Variants in RUNX3 observed in about 807,000 individuals in gnomAD.
RUNX3 encodes the protein runt-related transcription factor 3.
A neutral mutation model predicts 27.7 loss-of-function variants in RUNX3; 10 were observed. The observed-to-expected ratio is 0.36, with a 90% CI of 0.22 to 0.61. The LOEUF (loss-of-function observed/expected upper bound fraction) is 0.61, where lower values mean the gene tolerates loss of function less well. Among genes scored for constraint, RUNX3 ranks in the 20% least tolerant of loss-of-function variants. The pLI, the probability that RUNX3 is intolerant of heterozygous loss-of-function variation, is 0.72. For synonymous variants in RUNX3, 270 were observed against 269.2 expected, an observed-to-expected ratio of 1.00 and a Z score of -0.03; for missense variants, 469 against 629.5, an observed-to-expected ratio of 0.75 and a Z score of 2.73.
chr1:24,957,710 G>A (rs536593338), intron 2 of RUNX3, among the ~76,000 whole-genome samples: 6 of 152,280 alleles, frequency 3.9e-5, no homozygotes, highest in South Asian at 2.1e-4. Flanking sequence ...TGTCTGTGCC[G>A]GGCCCTGTGC....
chr1:24,917,517 G>A (rs926845784), intron 3 of RUNX3, among the ~76,000 whole-genome samples: 1 of 152,168 alleles, frequency 6.6e-6, no homozygotes, highest in Non-Finnish European at 1.5e-5. Context: ...GGTCCGCAGG[G>A]TGGGTGGCAT....
At chr1:24,942,808 G>A (rs1641510251) in intron 2 of RUNX3, among the ~76,000 whole-genome samples, 2 of 152,220 alleles carry the variant, frequency 1.3e-5, no homozygotes, top group Non-Finnish European at 2.9e-5. Flanking sequence ...AGCATCAGCG[G>A]TGCCCTAATG....
rs1388491154 is a variant in RUNX3 at position 24,943,791 on chromosome 1, A to G, written c.59-13939T>C. Among the ~76,000 whole-genome samples the G allele has an allele frequency of 6.6e-6, 1 of 152,230 alleles. No homozygotes were observed. The highest frequency in any genetic ancestry group is 2.4e-5 in the African/African-American group (1 of 41,464). ...AGGGCAGGGTCCTCAGCCAGGACCT[A>G]GGCTCCCAGATGTTACCAACCTTAA... On this transcript the variant is annotated intron_variant, in intron 2 of 6. Coordinates refer to the RUNX3 transcript ENST00000338888. This position sits in a 1 kb window ranked among gnomAD's most constrained non-coding sequence, Gnocchi z 4.6.
In RUNX3 at chr1:24,904,798, G is replaced by C. The variant is rs554451959; in HGVS notation, c.704-2132C>G. ...CCACCACCCCTCCTCCGGGGTGGTGGGGGAAGTACCTGCCCTCAGCACTCC... is the reference window on the plus strand; with the variant it reads ...CCACCACCCCTCCTCCGGGGTGGTGCGGGAAGTACCTGCCCTCAGCACTCC... On this transcript the variant is annotated intron_variant, in intron 4 of 4. Transcript: ENST00000308873. The surrounding 1 kb of genome is among the most constrained non-coding windows in gnomAD (Gnocchi z 5.7). 1.3e-5 allele frequency among the ~76,000 whole-genome samples: 2 copies of C among 152,186 alleles called. No homozygotes were observed. The highest frequency in any genetic ancestry group is 4.1e-4 in the South Asian group (2 of 4,822).
chr1:24,944,161 C>T (rs1436800484), intron 2 of RUNX3, among the ~76,000 whole-genome samples: 5 of 152,110 alleles, frequency 3.3e-5, no homozygotes, highest in Admixed American at 2.0e-4. Flanking sequence ...CGTTGAGGGG[C>T]AGGAGAGAGC....
chr1:24,963,464 G>A (rs1642173280), intron 2 of RUNX3, among the ~76,000 whole-genome samples: 1 of 152,216 alleles, frequency 6.6e-6, no homozygotes, highest in Non-Finnish European at 1.5e-5. Flanking sequence ...CAGCCTCTCT[G>A]TTCTGGAACC....
rs1290776456 is a variant in RUNX3 at position 24,901,897 on chromosome 1, G to A, written c.*225C>T. On this transcript the variant is annotated 3_prime_UTR_variant, in exon 5 of 5. Coordinates refer to ENST00000308873, the MANE Select transcript of RUNX3 (RefSeq NM_004350.3). ...GGATGAGACGGCCAGGATCTGGGCC[G>A]GGGGCAGTATCCCGGGCCGGGGTGG... 3.5e-5 allele frequency: 18 copies of A among 519,236 alleles called. No individual in the cohort carries two copies. Among genetic ancestry groups the A allele is most frequent in the Non-Finnish European group, 5.1e-5 (15 of 293,776 alleles). The allele number at this position is 519,236 out of a possible 1,614,324, so 32.2% of individuals were successfully genotyped here.
At position 24,962,029 on chromosome 1, in the gene RUNX3, C is replaced by A. The variant is rs911752202; in HGVS notation, c.58+2485G>T. 2 of 152,170 alleles carry A rather than the reference C, an allele frequency of 1.3e-5. No individual in the cohort carries two copies. Among genetic ancestry groups the A allele is most frequent in the Non-Finnish European group, 2.9e-5 (2 of 68,046 alleles). 9.4% of individuals were successfully genotyped at this position (152,170 alleles called of 1,614,324 possible). ...CTGGGCTGGAGATAACCGTGTCTTT[C>A]CTTTCCCTGGCCTCTAGCTGAAATT... is the stretch of plus-strand genomic sequence containing the variant. On this transcript the variant is annotated intron_variant, in intron 2 of 6. Coordinates refer to the RUNX3 transcript ENST00000338888. This position sits in a 1 kb window ranked among gnomAD's most constrained non-coding sequence, Gnocchi z 4.5.
intron 2 of RUNX3, among the ~76,000 whole-genome samples, chr1:24,924,480 C>CT (rs377699041): frequency 0.05 from 7,211 of 144,034 alleles, 491 homozygotes; most frequent in African/African-American, 0.16. Flanking sequence ...AAAGACAGTT[C>CT]TTTTTTTTTT....
At position 24,927,566 on chromosome 1, in the gene RUNX3, C is replaced by T; in HGVS notation, c.439+8G>A. The stretch of plus-strand genomic sequence containing the variant: ...ATGCTGAAATGGCGAGGCCTCCCTT[C>T]CACTTACCTCGCCCACTGCGGCCCA... On this transcript the variant is annotated splice_region_variant and intron_variant, in intron 2 of 4. Transcript: ENST00000308873. The surrounding 1 kb of genome is among the most constrained non-coding windows in gnomAD (Gnocchi z 5.0). The T allele has an allele frequency of 6.2e-7, 1 of 1,613,994 alleles. No homozygotes were observed. Among genetic ancestry groups the T allele is most frequent in the Non-Finnish European group, 8.5e-7 (1 of 1,179,932 alleles).
chr1:24,901,822 T>G lies in RUNX3; in HGVS notation c.*300A>C. 5.0e-6 allele frequency: 2 copies of G among 401,124 alleles called. No homozygotes were observed. The highest frequency in any genetic ancestry group is 9.0e-6 in the Non-Finnish European group (2 of 221,578). The allele number at this position is 401,124 out of a possible 1,614,324, so 24.8% of individuals were successfully genotyped here. On this transcript the variant is annotated 3_prime_UTR_variant, in exon 5 of 5. Transcript: ENST00000308873. Reference sequence around the variant, plus strand: ...CAGCACTGGGCATAGCTGGAGACAGTGAGGTCCTTCCGGGGGGGTGGCAGG... The same window carrying G: ...CAGCACTGGGCATAGCTGGAGACAGGGAGGTCCTTCCGGGGGGGTGGCAGG...
intron 4 of RUNX3, among the ~76,000 whole-genome samples, chr1:24,906,762 C>A (rs753391419): frequency 6.6e-6 from 1 of 152,220 alleles, no homozygotes; most frequent in African/African-American, 2.4e-5. Context: ...TGGAATGTCA[C>A]TTAACAGTGT....
At chr1:24,930,456 C>G (rs376986523), upstream of RUNX3, among the ~76,000 whole-genome samples, 4 of 151,654 alleles carry the variant, frequency 2.6e-5, no homozygotes, top group Non-Finnish European at 5.9e-5. The surrounding 1 kb of genome is among the most constrained non-coding windows in gnomAD (Gnocchi z 4.1). Context: ...GGCGCCACCC[C>G]GCGGAGGAGG....
At chr1:24,908,197 C>T (rs566977938) in intron 3 of RUNX3, among the ~76,000 whole-genome samples, 43 of 146,164 alleles carry the variant, frequency 2.9e-4, no homozygotes, top group African/African-American at 1.1e-3. Flanking sequence ...ACGCGGTGAT[C>T]CGAACCTCTA....
At chr1:24,963,496 A>T (rs948028818) in intron 2 of RUNX3, among the ~76,000 whole-genome samples, 1 of 152,186 alleles carries the variant, frequency 6.6e-6, no homozygotes, top group Non-Finnish European at 1.5e-5. Flanking sequence ...CTGCCCTTAT[A>T]CATGGTCCAC....
intron 1 of RUNX3, chr1:24,929,375 ACC>A (rs1177182345): frequency 1.4e-6 from 1 of 702,772 alleles, no homozygotes; most frequent in Admixed American, 2.0e-5. Context: ...GAGCGGGGCA[ACC>A]CCGTTAAAAG....
intron 3 of RUNX3, among the ~76,000 whole-genome samples, chr1:24,910,640 C>A (rs911306803): frequency 5.2e-4 from 79 of 152,310 alleles, no homozygotes; most frequent in African/African-American, 1.8e-3. Context: ...AAACAGGTAT[C>A]TGGGAGCCTC....
chr1:24,960,536 T>C (rs191682623), intron 2 of RUNX3, among the ~76,000 whole-genome samples: 124 of 152,302 alleles, frequency 8.1e-4, no homozygotes, highest in African/African-American at 2.7e-3. Flanking sequence ...AGAGCCCCCT[T>C]AAAGCCTACA....
chr1:24,912,758 C>T (rs959369389), intron 3 of RUNX3, among the ~76,000 whole-genome samples: 2 of 151,654 alleles, frequency 1.3e-5, no homozygotes, highest in Non-Finnish European at 2.9e-5. Context: ...GCAGAAGACA[C>T]ACAGCCACCT....
Sources: allele counts gnomAD v4.1 joint callset (sites outside exome capture counted in the v4.1 genomes callset), GRCh38; gene constraint gnomAD v4.1.1; non-coding constraint Gnocchi (gnomAD v3.1); transcripts MANE v1.5; gene names NCBI Gene and HGNC (gene_info 2026-07-23, HGNC 2026-07-21).